Variants in DNAAF10 observed in about 807,000 individuals in gnomAD.
The protein encoded by DNAAF10 is WD repeat domain 92.
In DNAAF10, 28 loss-of-function variants were observed where a neutral mutation model predicts 43.7. That is an observed-to-expected ratio of 0.64 (90% CI 0.48 to 0.88). The LOEUF (loss-of-function observed/expected upper bound fraction) is 0.88, where lower values mean the gene tolerates loss of function less well. DNAAF10 is among the 40% of genes least tolerant of loss of function. DNAAF10 has a pLI of 0.00. For synonymous variants in DNAAF10, 156 were observed against 157.3 expected (o/e 0.99, Z 0.06); for missense variants, 403 against 439.1 (o/e 0.92, Z 0.73).
At chr2:68,155,114 C>T (rs2103643985) in intron 1 of DNAAF10, among the ~76,000 whole-genome samples, 1 of 151,814 alleles carries the variant, frequency 6.6e-6, no homozygotes, top group Admixed American at 6.6e-5. Context: ...CCTGATCCTG[C>T]CACTGCACTC....
At chr2:68,156,873 G>A in intron 1 of DNAAF10, 1 of 235,768 alleles carries the variant, frequency 4.2e-6, no homozygotes, top group South Asian at 7.0e-5. Flanking sequence ...TTTGATTATT[G>A]AACTGAGTAT....
chr2:68,129,938 C>A lies in DNAAF10; in HGVS notation c.*1300G>T, dbSNP rs1672891380. On this transcript the variant is annotated 3_prime_UTR_variant, in exon 8 of 8. Coordinates refer to ENST00000295121, the MANE Select transcript of DNAAF10 (RefSeq NM_138458.4). The stretch of plus-strand genomic sequence containing the variant: ...CAAAAATAAGACTACAAAACCCCTA[C>A]AATCTTGTACATTTCACCATCACTT... 1 of 151,844 alleles carries A rather than the reference C, an allele frequency of 6.6e-6. No individual in the cohort carries two copies. The highest frequency in any genetic ancestry group is 1.5e-5 in the Non-Finnish European group (1 of 67,960). 9.4% of individuals were successfully genotyped at this position (151,844 alleles called of 1,614,324 possible). A position where few individuals can be genotyped will look rare whatever the true frequency, so the allele number is the denominator to read the frequency against.
intron 2 of DNAAF10, among the ~76,000 whole-genome samples, chr2:68,147,250 A>C (rs1003182126): frequency 1.3e-5 from 2 of 152,208 alleles, no homozygotes; most frequent in African/African-American, 4.8e-5. Context: ...TGATAATATT[A>C]TCCAAAATAT....
chr2:68,143,134 T>C (rs1178682185), intron 3 of DNAAF10, among the ~76,000 whole-genome samples: 1 of 151,810 alleles, frequency 6.6e-6, no homozygotes, highest in Non-Finnish European at 1.5e-5. Context: ...AGTGCTGGGA[T>C]TACAGAGATG....
At chr2:68,148,373 C>A (rs1033414117) in intron 1 of DNAAF10, among the ~76,000 whole-genome samples, 42 of 152,164 alleles carry the variant, frequency 2.8e-4, no homozygotes, top group African/African-American at 8.7e-4. Flanking sequence ...AAAGAGGATA[C>A]AAAGATGAAT....
At chr2:68,134,347 A>T (rs1672986503) in intron 7 of DNAAF10, 2 of 1,067,854 alleles carry the variant, frequency 1.9e-6, no homozygotes, top group Non-Finnish European at 2.3e-6. Context: ...TATCACAATG[A>T]TGTTATCTAA....
intron 7 of DNAAF10, chr2:68,134,062 A>G (rs1672980054): frequency 1.1e-6 from 1 of 893,184 alleles, no homozygotes; most frequent in Non-Finnish European, 1.3e-6. Flanking sequence ...TAGCTAATAA[A>G]GTATTCAGAA....
At position 68,130,115 on chromosome 2, in the gene DNAAF10, G is replaced by GAGAGAGAGAGATATATATATATATAT. The variant is rs1453152500; in HGVS notation, c.*1122_*1123insATATATATATATATATCTCTCTCTCT. On this transcript the variant is annotated 3_prime_UTR_variant, in exon 8 of 8. Transcript: ENST00000295121. Reference sequence around the variant, plus strand: ...CAACCGTGCCGTTTTGAGAGAGAGAGATATATATATATATATTTGTTTTTT... The same window carrying GAGAGAGAGAGATATATATATATATAT: ...CAACCGTGCCGTTTTGAGAGAGAGAGAGAGAGAGAGATATATATATATATATATATATATATATATATTTGTTTTTT... The GAGAGAGAGAGATATATATATATATAT allele has an allele frequency of 6.8e-4, 91 of 132,918 alleles. 1 individual carries two copies. The highest frequency in any genetic ancestry group is 2.6e-3 in the African/African-American group (89 of 34,288). The allele number at this position is 132,918 out of a possible 1,614,324, so 8.2% of individuals were successfully genotyped here.
chr2:68,141,164 T>C (rs1673168826), intron 4 of DNAAF10, among the ~76,000 whole-genome samples: 1 of 152,216 alleles, frequency 6.6e-6, no homozygotes, highest in Non-Finnish European at 1.5e-5. Context: ...AATGAAGGAA[T>C]ACAGTTATCA....
Position 68,137,375 on chromosome 2 carries a change from G to C in DNAAF10, c.692C>G (p.Ser231Cys). 2 of 1,613,748 alleles carry C rather than the reference G, an allele frequency of 1.2e-6. No individual in the cohort carries two copies. The highest frequency in any genetic ancestry group is 8.5e-7 in the Non-Finnish European group (1 of 1,179,834). The change falls in exon 6 of 8, where the codon TCT becomes TGT. Residue 231 changes from serine (S) to cysteine (C), a missense_variant. By Grantham distance (112) the Ser-to-Cys change is moderately radical. Transcript: ENST00000295121. ...AAAAACATGGAACTTTCCTTCCAGA[G>C]ATGTGGCTACTAACTTATTCATACT... ...DISMNKLVAT[S>C]LEGKFHVFDM...
At chr2:68,138,943 AAAC>A in intron 4 of DNAAF10, 86 bp from the exon 5 acceptor site, 11 of 912,036 alleles carry the variant, frequency 1.2e-5, no homozygotes, top group Middle Eastern at 2.2e-4. Flanking sequence ...AACTAACATA[AAAC>A]TTATATTAAA....
At chr2:68,148,821 G>C (rs138413127) in intron 1 of DNAAF10, among the ~76,000 whole-genome samples, 213 of 152,246 alleles carry the variant, frequency 1.4e-3, no homozygotes, top group Non-Finnish European at 2.7e-3. Context: ...AAAACAAAAG[G>C]ATGGAAGGAA....
intron 1 of DNAAF10, among the ~76,000 whole-genome samples, chr2:68,151,475 T>C (rs1226883028): frequency 6.6e-6 from 1 of 152,238 alleles, no homozygotes; most frequent in African/African-American, 2.4e-5. Context: ...TCACCCTGTT[T>C]AATCATCCAT....
intron 5 of DNAAF10, among the ~76,000 whole-genome samples, chr2:68,138,195 CA>C (rs1416924016): frequency 6.6e-6 from 1 of 150,508 alleles, no homozygotes; most frequent in Admixed American, 6.6e-5. Flanking sequence ...AACAAACAAA[CA>C]AACAAAAAAC....
chr2:68,151,736 C>A (rs75508608), intron 1 of DNAAF10, among the ~76,000 whole-genome samples: 2 of 152,144 alleles, frequency 1.3e-5, no homozygotes, highest in Non-Finnish European at 2.9e-5. Context: ...AGGGTTCTGA[C>A]AAACTGTTCA....
chr2:68,141,371 C>T (rs1188751246), intron 4 of DNAAF10, among the ~76,000 whole-genome samples: 3 of 152,200 alleles, frequency 2.0e-5, no homozygotes, highest in Non-Finnish European at 4.4e-5. Context: ...GCACAATTCT[C>T]AGCACTTTAC....
intron 4 of DNAAF10, among the ~76,000 whole-genome samples, chr2:68,141,010 C>T (rs1673165213): frequency 6.6e-6 from 1 of 152,046 alleles, no homozygotes; most frequent in South Asian, 2.1e-4. Flanking sequence ...AACTCCGCCC[C>T]CATTAATCAC....
At chr2:68,142,349 T>C (rs1026263894) in intron 3 of DNAAF10, among the ~76,000 whole-genome samples, 17 of 152,110 alleles carry the variant, frequency 1.1e-4, no homozygotes, top group African/African-American at 4.1e-4. Context: ...CTCCGCCTCC[T>C]GGGTTTAAGC....
chr2:68,141,392 C>T (rs1673176580), intron 4 of DNAAF10, among the ~76,000 whole-genome samples: 1 of 152,178 alleles, frequency 6.6e-6, no homozygotes, highest in Admixed American at 6.5e-5. Context: ...ATGTAATTAA[C>T]TCATTGACTC....
Sources: gnomAD v4.1 joint callset for allele counts (sites outside exome capture counted in the v4.1 genomes callset) on GRCh38, gnomAD v4.1.1 for gene constraint, MANE v1.5 for transcripts, NCBI Gene and HGNC (gene_info 2026-07-23, HGNC 2026-07-21) for gene names.